Variants in PTPRB observed in about 807,000 individuals in gnomAD.
PTPRB encodes the protein protein tyrosine phosphatase receptor type B, also known as receptor-type tyrosine-protein phosphatase beta.
PTPRB carries 97 observed loss-of-function variants against 238.1 expected under a neutral mutation model. The ratio of observed to expected loss-of-function variants is 0.41; its 90% CI spans 0.35 to 0.48. The LOEUF is 0.48. PTPRB is among the 20% of genes least tolerant of loss of function. PTPRB has a pLI of 0.30. For missense variants in PTPRB, 2,292 were observed against 2,681.9 expected, an observed-to-expected ratio of 0.85 and a Z score of 3.21; for synonymous variants, 970 against 995.4, an observed-to-expected ratio of 0.97 and a Z score of 0.48.
intron 8 of PTPRB, among the ~76,000 whole-genome samples, chr12:70,588,095 C>CAAAA (rs10558140): frequency 2.9e-4 from 30 of 104,526 alleles, no homozygotes; most frequent in Non-Finnish European, 4.3e-4. Context: ...GACTCTGTCT[C>CAAAA]AAAAAAAAAA....
chr12:70,557,156 C>G (rs530192449), intron 18 of PTPRB, among the ~76,000 whole-genome samples: 1 of 152,168 alleles, frequency 6.6e-6, no homozygotes, highest in African/African-American at 2.4e-5. Flanking sequence ...AGGCATTCTA[C>G]GTAGAGAAAA....
intron 21 of PTPRB, among the ~76,000 whole-genome samples, chr12:70,545,074 GTGA>G (rs1875761197): frequency 6.6e-6 from 1 of 152,244 alleles, no homozygotes; most frequent in African/African-American, 2.4e-5. Flanking sequence ...CAGAATGGTA[GTGA>G]TGAAGGCAGT....
intron 13 of PTPRB, among the ~76,000 whole-genome samples, 191 bp from the exon 14 acceptor site, chr12:70,570,129 A>G (rs1166444292): frequency 3.9e-5 from 6 of 151,996 alleles, no homozygotes; most frequent in Non-Finnish European, 8.8e-5. Flanking sequence ...GCTTAGGGGG[A>G]AGTCAAAGCC....
chr12:70,547,522 C>T (rs1407646150), intron 21 of PTPRB, among the ~76,000 whole-genome samples: 3 of 115,240 alleles, frequency 2.6e-5, no homozygotes, highest in African/African-American at 9.7e-5. Flanking sequence ...TCTTTCCTTC[C>T]TTTTTTTTTT....
chr12:70,545,935 G>A (rs970031931), intron 21 of PTPRB, among the ~76,000 whole-genome samples: 3 of 152,130 alleles, frequency 2.0e-5, no homozygotes, highest in Admixed American at 6.5e-5. Flanking sequence ...TCAGGAGTTC[G>A]AGATCAGCCT....
intron 5 of PTPRB, among the ~76,000 whole-genome samples, chr12:70,595,314 A>G (rs1041035429): frequency 6.6e-6 from 1 of 152,116 alleles, no homozygotes; most frequent in African/African-American, 2.4e-5. Context: ...GAGGGGGATA[A>G]GGAAGGGATA....
Position 70,516,103 on chromosome 12 carries a change from TAATA to T in PTPRB, c.*5382_*5385del, listed in dbSNP as rs758890361. 78 of 152,282 alleles carry T rather than the reference TAATA, an allele frequency of 5.1e-4. No individual in the cohort carries two copies. Among genetic ancestry groups the T allele is most frequent in the Non-Finnish European group, 1.0e-3 (68 of 68,000 alleles). The allele number at this position is 152,282 out of a possible 1,614,324, so 9.4% of individuals were successfully genotyped here. On this transcript the variant is annotated 3_prime_UTR_variant, in exon 34 of 34. Coordinates refer to ENST00000334414, the MANE Select transcript of PTPRB (RefSeq NM_001109754.4). The stretch of plus-strand genomic sequence containing the variant: ...CATCTTAACTGGATTTTCAGAGAAA[TAATA>T]AATGATATTAAAAACATAAAAGTGC...
intron 21 of PTPRB, among the ~76,000 whole-genome samples, chr12:70,546,086 A>G (rs1875922278): frequency 6.6e-6 from 1 of 151,446 alleles, no homozygotes; most frequent in Non-Finnish European, 1.5e-5. Context: ...GCAGTGAGCC[A>G]AGATCATGCC....
At chr12:70,547,889 A>T (rs1205469308) in intron 21 of PTPRB, among the ~76,000 whole-genome samples, 1 of 152,216 alleles carries the variant, frequency 6.6e-6, no homozygotes, top group Non-Finnish European at 1.5e-5. Context: ...ATTACTTCAG[A>T]GGTTTGGAAC....
At position 70,539,919 on chromosome 12, in the gene PTPRB, A is replaced by G. The variant is rs938560944; in HGVS notation, c.5678+20T>C. On this transcript the variant is annotated intron_variant, in intron 24 of 33. Coordinates refer to ENST00000334414, the MANE Select transcript of PTPRB (RefSeq NM_001109754.4). Reference sequence around the variant, plus strand: ...ATACCATCTTTCAACAAATTATACGAAGGCAAATGTGGTGCTTACCCTTTC... The same window carrying G: ...ATACCATCTTTCAACAAATTATACGGAGGCAAATGTGGTGCTTACCCTTTC... 5.6e-6 allele frequency: 9 copies of G among 1,594,172 alleles called. No individual in the cohort carries two copies. Among genetic ancestry groups the G allele is most frequent in the Middle Eastern group, 1.7e-4 (1 of 6,028 alleles).
chr12:70,604,294 G>C (rs568016661), intron 4 of PTPRB, among the ~76,000 whole-genome samples: 1 of 152,098 alleles, frequency 6.6e-6, no homozygotes, highest in Non-Finnish European at 1.5e-5. Context: ...ACAAATACTA[G>C]AGTACTCTTC....
intron 14 of PTPRB, 130 bp from the exon 15 acceptor site, chr12:70,566,834 AC>A: frequency 1.0e-6 from 1 of 967,032 alleles, no homozygotes; most frequent in Non-Finnish European, 1.5e-6. Context: ...TGTCATTGAC[AC>A]TTTCTGTGTG....
chr12:70,553,974 G>A (rs1877279633), intron 20 of PTPRB, among the ~76,000 whole-genome samples: 1 of 152,128 alleles, frequency 6.6e-6, no homozygotes, highest in Non-Finnish European at 1.5e-5. Flanking sequence ...TACTTTCTGG[G>A]GTGTGACTTT....
intron 15 of PTPRB, among the ~76,000 whole-genome samples, chr12:70,565,198 C>A (rs1592490257): frequency 6.6e-6 from 1 of 152,102 alleles, no homozygotes; most frequent in South Asian, 2.1e-4. Context: ...TCTGATTTAT[C>A]TTTTTAAAGA....
chr12:70,591,897 T>G, intron 7 of PTPRB: 1 of 200,346 alleles, frequency 5.0e-6, no homozygotes, highest in Non-Finnish European at 1.0e-5. Context: ...GTAATTTACA[T>G]ATATAAGGCA....
intron 4 of PTPRB, among the ~76,000 whole-genome samples, chr12:70,604,394 A>G (rs1883773663): frequency 6.6e-6 from 1 of 152,222 alleles, no homozygotes; most frequent in African/African-American, 2.4e-5. Context: ...ATGCCAACAA[A>G]TAATAGAAAA....
chr12:70,563,509 T>C (rs766699903), intron 15 of PTPRB, among the ~76,000 whole-genome samples: 13 of 152,200 alleles, frequency 8.5e-5, no homozygotes, highest in Non-Finnish European at 1.5e-4. Context: ...TGTCAGGCCC[T>C]TACAAGGTGT....
Position 70,521,447 on chromosome 12 carries a change from C to T in PTPRB, c.*42G>A, listed in dbSNP as rs1351215237. 6.6e-7 allele frequency: 1 copy of T among 1,505,126 alleles called. No individual in the cohort carries two copies. Among genetic ancestry groups the T allele is most frequent in the Admixed American group, 2.3e-5 (1 of 44,310 alleles). 93.2% of individuals were successfully genotyped at this position (1,505,126 alleles called of 1,614,324 possible). On this transcript the variant is annotated 3_prime_UTR_variant, in exon 34 of 34. Coordinates refer to ENST00000334414, the MANE Select transcript of PTPRB (RefSeq NM_001109754.4). ...GAAGCAAGTTTTTAAAAACAAATCA[C>T]ACAGTGAATAATTTTTATCCAGGAG... is the stretch of plus-strand genomic sequence containing the variant.
chr12:70,608,837 G>A (rs770781074), intron 4 of PTPRB: 4 of 571,114 alleles, frequency 7.0e-6, no homozygotes, highest in African/African-American at 3.8e-5. Context: ...ACCCCACCCC[G>A]ACCCTTTCAG....
Sources: allele counts gnomAD v4.1 joint callset (sites outside exome capture counted in the v4.1 genomes callset), GRCh38; gene constraint gnomAD v4.1.1; transcripts MANE v1.5; gene names NCBI Gene and HGNC (gene_info 2026-07-23, HGNC 2026-07-21).